PHF21A: variants seen among roughly 807,000 people sequenced by gnomAD.
PHF21A encodes BHC80a.
PHF21A carries 11 observed loss-of-function variants against 82.5 expected under a neutral mutation model. The observed-to-expected ratio is 0.13, with a 90% CI of 0.08 to 0.22. The LOEUF (loss-of-function observed/expected upper bound fraction) is 0.22. Ranked by LOEUF, PHF21A falls within the 10% of genes least tolerant of loss-of-function variation. The pLI is 1.00. For synonymous variants in PHF21A, 297 were observed against 302.8 expected, an observed-to-expected ratio of 0.98 and a Z score of 0.20; for missense variants, 579 against 837.8, an observed-to-expected ratio of 0.69 and a Z score of 3.81.
intron 7 of PHF21A, among the ~76,000 whole-genome samples, chr11:45,978,359 C>CCA (rs1367013204): frequency 2.9e-4 from 44 of 152,102 alleles, no homozygotes; most frequent in African/African-American, 1.0e-3. Context: ...ATAATAATAA[C>CCA]TTCCTCTTAG....
intron 10 of PHF21A, among the ~76,000 whole-genome samples, chr11:45,963,706 A>G (rs2093258447): frequency 6.6e-6 from 1 of 152,202 alleles, no homozygotes; most frequent in Non-Finnish European, 1.5e-5. Flanking sequence ...AAGAGAAATA[A>G]TATTTAATAA....
At chr11:45,999,789 C>T (rs1285242358) in intron 6 of PHF21A, among the ~76,000 whole-genome samples, 4 of 152,158 alleles carry the variant, frequency 2.6e-5, no homozygotes, top group Non-Finnish European at 5.9e-5. Flanking sequence ...ATTTATGTAT[C>T]CCAGTGGGTG....
intron 6 of PHF21A, among the ~76,000 whole-genome samples, chr11:45,999,694 A>C (rs916629742): frequency 1.3e-5 from 2 of 152,276 alleles, no homozygotes; most frequent in African/African-American, 4.8e-5. Context: ...ATCTAAAAAC[A>C]CAGATTTGAA....
intron 3 of PHF21A, among the ~76,000 whole-genome samples, chr11:46,089,390 A>C (rs1366780994): frequency 6.6e-6 from 1 of 152,204 alleles, no homozygotes; most frequent in East Asian, 1.9e-4. Context: ...TTTATTAAAA[A>C]CTTTAACATT....
At chr11:46,120,395 G>A (rs1283648789) in intron 1 of PHF21A, 8 of 82,764 alleles carry the variant, frequency 9.7e-5, no homozygotes, top group Non-Finnish European at 2.2e-4. Context: ...CCCCGCCCCC[G>A]CCCGCAGCCC....
intron 1 of PHF21A, among the ~76,000 whole-genome samples, chr11:46,095,792 G>A (rs2135562522): frequency 6.6e-6 from 1 of 152,004 alleles, no homozygotes; most frequent in East Asian, 1.9e-4. Flanking sequence ...TTTTAAATTA[G>A]GCTAAAATTT....
intron 1 of PHF21A, among the ~76,000 whole-genome samples, chr11:46,098,889 C>A (rs187108741): frequency 6.6e-6 from 1 of 152,242 alleles, no homozygotes; most frequent in East Asian, 1.9e-4. Flanking sequence ...TCTGTGAGAA[C>A]CCTTTCTATT....
At chr11:46,074,475 T>TATA (rs900390665) in intron 6 of PHF21A, among the ~76,000 whole-genome samples, 1 of 151,138 alleles carries the variant, frequency 6.6e-6, no homozygotes, top group Non-Finnish European at 1.5e-5. Context: ...GGGGAAGGCA[T>TATA]ATAGCATTAG....
chr11:46,093,397 A>T (rs1320994196), intron 1 of PHF21A, among the ~76,000 whole-genome samples: 1 of 152,232 alleles, frequency 6.6e-6, no homozygotes, highest in Non-Finnish European at 1.5e-5. Context: ...CAGTTATACC[A>T]AACATACGAT....
intron 2 of PHF21A, 49 bp downstream of exon 2, chr11:46,092,134 G>A (rs1319414360): frequency 6.6e-6 from 1 of 151,346 alleles, no homozygotes; most frequent in African/African-American, 2.4e-5. Context: ...TAACTATCCA[G>A]CTAGCATCAG....
intron 6 of PHF21A, among the ~76,000 whole-genome samples, chr11:45,981,074 A>G (rs2094255211): frequency 6.6e-6 from 1 of 152,044 alleles, no homozygotes; most frequent in Non-Finnish European, 1.5e-5. Context: ...TTGGTTCACA[A>G]CTATACTCTG....
chr11:46,013,979 G>A (rs1002874213), intron 6 of PHF21A, among the ~76,000 whole-genome samples: 10 of 152,072 alleles, frequency 6.6e-5, no homozygotes, highest in African/African-American at 1.7e-4. Flanking sequence ...CTTAGGCTAC[G>A]CTAATTTTAA....
chr11:46,086,170 G>A (rs983949069), intron 3 of PHF21A, among the ~76,000 whole-genome samples: 4 of 151,594 alleles, frequency 2.6e-5, no homozygotes, highest in African/African-American at 9.7e-5. Flanking sequence ...CCAGGCTGGA[G>A]TGCAGTGGCA....
chr11:46,101,993 G>T (rs1363841169), intron 1 of PHF21A, among the ~76,000 whole-genome samples: 1 of 152,148 alleles, frequency 6.6e-6, no homozygotes, highest in African/African-American at 2.4e-5. Context: ...GAGTAGCGGG[G>T]ATTACAGGCA....
chr11:46,030,471 A>G (rs2095842317), intron 6 of PHF21A, among the ~76,000 whole-genome samples: 1 of 152,214 alleles, frequency 6.6e-6, no homozygotes, highest in African/African-American at 2.4e-5. Context: ...TTTCAATACC[A>G]GCATTTTAAA....
intron 7 of PHF21A, among the ~76,000 whole-genome samples, chr11:45,972,715 A>G (rs558922647): frequency 6.6e-6 from 1 of 152,212 alleles, no homozygotes; most frequent in East Asian, 1.9e-4. Context: ...GGAGTTCGAG[A>G]CCAGCCTGGC....
chr11:46,028,565 G>A (rs2095798945), intron 6 of PHF21A, among the ~76,000 whole-genome samples: 3 of 143,540 alleles, frequency 2.1e-5, no homozygotes, highest in Admixed American at 7.0e-5. Flanking sequence ...TACTTTAAAA[G>A]CTTGCCTTTT....
In PHF21A at chr11:45,971,233, C is replaced by A. The variant is rs755494283; in HGVS notation, c.495G>T (p.Gln165His). 55 of 1,614,050 alleles carry A rather than the reference C, an allele frequency of 3.4e-5. No homozygotes were observed. Among genetic ancestry groups the A allele is most frequent in the Non-Finnish European group, 4.7e-5 (55 of 1,180,036 alleles). The change falls in exon 8 of 19, where the codon CAG becomes CAT. Residue 165 changes from glutamine to histidine, a missense_variant. By Grantham distance (24) the Gln-to-His change is conservative (BLOSUM62 0). Coordinates refer to ENST00000676320, the MANE Select transcript of PHF21A (RefSeq NM_001352027.3). The stretch of plus-strand genomic sequence containing the variant: ...GCACATCAGTGCTGAGCACAGCCTT[C>A]TGACTGTTGATGGCGGTCACCATAG... ...TIAMVTAINS[Q>H]KAVLSTDVQN...
At chr11:45,966,185 G>A (rs1249671814) in intron 9 of PHF21A, among the ~76,000 whole-genome samples, 1 of 44,056 alleles carries the variant, frequency 2.3e-5, no homozygotes. Flanking sequence ...TACCATCTAT[G>A]TACTGAAGAC....
Sources: allele counts gnomAD v4.1 joint callset (sites outside exome capture counted in the v4.1 genomes callset), GRCh38; gene constraint gnomAD v4.1.1; transcripts MANE v1.5; gene names NCBI Gene and HGNC (gene_info 2026-07-23, HGNC 2026-07-21).